The following DENND5B variants were observed in gnomAD, a reference collection of about 807,000 sequenced individuals.
DENND5B encodes DENN domain containing 5B.
A neutral mutation model predicts 140.6 loss-of-function variants in DENND5B; 34 were observed. That is an observed-to-expected ratio of 0.24 (90% CI 0.18 to 0.32). DENND5B has a LOEUF of 0.32. Among genes scored for constraint, DENND5B ranks in the 10% least tolerant of loss-of-function variants. The probability of loss-of-function intolerance (pLI) is 1.00; values close to 1 mark genes in which losing one functional copy is unlikely to be tolerated. For missense variants in DENND5B, 1,142 were observed against 1,560.2 expected, an observed-to-expected ratio of 0.73 and a Z score of 4.52; for synonymous variants, 551 against 562.1, an observed-to-expected ratio of 0.98 and a Z score of 0.28.
chr12:31,456,964 G>A (rs116220011), intron 4 of DENND5B, among the ~76,000 whole-genome samples: 1,958 of 152,134 alleles, frequency 0.013, 29 homozygotes, highest in African/African-American at 0.045. Flanking sequence ...TGTGCCTCTC[G>A]TCCCAGCTAC....
chr12:31,555,158 T>C (rs1246383909), intron 1 of DENND5B, among the ~76,000 whole-genome samples: 2 of 152,216 alleles, frequency 1.3e-5, no homozygotes, highest in African/African-American at 4.8e-5. Flanking sequence ...CCAGTTTTTC[T>C]GCTGTTTTTT....
chr12:31,445,148 T>C (rs999787701), intron 6 of DENND5B, among the ~76,000 whole-genome samples: 11 of 152,336 alleles, frequency 7.2e-5, no homozygotes, highest in Non-Finnish European at 1.6e-4. Flanking sequence ...CGTCAGGTGA[T>C]AGGTATCTGC....
chr12:31,521,259 C>T (rs1218510818), intron 1 of DENND5B, among the ~76,000 whole-genome samples: 2 of 152,050 alleles, frequency 1.3e-5, no homozygotes, highest in Non-Finnish European at 2.9e-5. Context: ...TAGAATTCCA[C>T]TGTACATTCT....
intron 2 of DENND5B, among the ~76,000 whole-genome samples, chr12:31,494,199 T>TCCATCCAC (rs1946668460): frequency 9.3e-6 from 1 of 107,340 alleles, no homozygotes; most frequent in African/African-American, 3.6e-5. Flanking sequence ...CATCCATCCA[T>TCCATCCAC]CCACCTACCT....
At chr12:31,393,813 G>C (rs1186869623) in intron 17 of DENND5B, among the ~76,000 whole-genome samples, 2 of 151,962 alleles carry the variant, frequency 1.3e-5, no homozygotes, top group African/African-American at 4.8e-5. Context: ...TCAGCCTCCC[G>C]TGTAGCTGGG....
At chr12:31,409,207 G>GCT in intron 14 of DENND5B, 56 bp downstream of exon 14, 1 of 1,478,476 alleles carries the variant, frequency 6.8e-7, no homozygotes, top group Non-Finnish European at 9.0e-7. Context: ...AAATATAAAT[G>GCT]CTTTTATTGC....
At chr12:31,518,288 G>T (rs1947747215) in intron 1 of DENND5B, among the ~76,000 whole-genome samples, 1 of 152,176 alleles carries the variant, frequency 6.6e-6, no homozygotes, top group Admixed American at 6.5e-5. Context: ...ATCTTTAAGA[G>T]CCTGAGCAGT....
intron 5 of DENND5B, among the ~76,000 whole-genome samples, chr12:31,448,347 A>G (rs1010528660): frequency 6.6e-6 from 1 of 151,732 alleles, no homozygotes; most frequent in Non-Finnish European, 1.5e-5. Flanking sequence ...ATGTTAGCCA[A>G]GATGGTCTCG....
intron 1 of DENND5B, among the ~76,000 whole-genome samples, chr12:31,508,674 A>G (rs1486641052): frequency 6.6e-6 from 1 of 152,218 alleles, no homozygotes; most frequent in African/African-American, 2.4e-5. Context: ...TGTGCTAAAC[A>G]AAAGCAGTTA....
At chr12:31,532,187 T>C (rs959321647) in intron 1 of DENND5B, among the ~76,000 whole-genome samples, 2 of 152,306 alleles carry the variant, frequency 1.3e-5, no homozygotes, top group African/African-American at 2.4e-5. Context: ...TGGAGTACTC[T>C]GGGATGTCAG....
At chr12:31,532,164 T>G (rs556879309) in intron 1 of DENND5B, among the ~76,000 whole-genome samples, 151 of 152,284 alleles carry the variant, frequency 9.9e-4, no homozygotes, top group Non-Finnish European at 1.4e-3. Context: ...TTGATTAAAA[T>G]AAAGGGGTGG....
chr12:31,532,988 G>C (rs1948340886), intron 1 of DENND5B, among the ~76,000 whole-genome samples: 2 of 152,148 alleles, frequency 1.3e-5, no homozygotes, highest in Admixed American at 1.3e-4. Flanking sequence ...GGTTTTCTGA[G>C]GCTTATTTCA....
chr12:31,514,756 G>A (rs1947559928), intron 1 of DENND5B, among the ~76,000 whole-genome samples: 2 of 151,788 alleles, frequency 1.3e-5, no homozygotes, highest in South Asian at 2.1e-4. Flanking sequence ...CAGGGAGGCA[G>A]AGGTTGCAGT....
At position 31,452,073 on chromosome 12, in the gene DENND5B, T is replaced by C; in HGVS notation, c.1496A>G (p.Asn499Ser). Residue 499 changes from asparagine to serine, a missense_variant, in exon 5 of 21, where the codon AAT becomes AGT. Physicochemically the swap from Asn to Ser is conservative, Grantham distance 46. This residue lies in a region of DENND5B where 708 missense variants were observed against 905.5 expected (regional missense o/e 0.78). Transcript: ENST00000389082. Reference protein sequence around the residue: ...EEAELRDYQLNVQLREVFANR... With the variant: ...EEAELRDYQLSVQLREVFANR... ...AGCAAAGACCTCTCGGAGCTGTACA[T>C]TGAGCTGGTAGTCCCTTAGTTCTGC... 2 of 1,614,012 alleles carry C rather than the reference T, an allele frequency of 1.2e-6. No homozygotes were observed. Among genetic ancestry groups the C allele is most frequent in the Non-Finnish European group, 8.5e-7 (1 of 1,179,896 alleles).
chr12:31,496,001 A>AC, intron 1 of DENND5B, 82 bp from the exon 2 acceptor site: 1 of 929,322 alleles, frequency 1.1e-6, no homozygotes. Context: ...TAGTCCTACT[A>AC]CTGACTGATA....
At chr12:31,552,034 T>C (rs1949082514) in intron 1 of DENND5B, among the ~76,000 whole-genome samples, 1 of 152,216 alleles carries the variant, frequency 6.6e-6, no homozygotes, top group Non-Finnish European at 1.5e-5. Context: ...ACTTCCTCTT[T>C]TCCTAATTGA....
chr12:31,559,125 T>C (rs938879089), intron 1 of DENND5B, among the ~76,000 whole-genome samples: 6 of 152,320 alleles, frequency 3.9e-5, no homozygotes, highest in African/African-American at 7.2e-5. Context: ...CTCGTACTGA[T>C]AGAAAATTCT....
chr12:31,451,185 T>C (rs793184), intron 5 of DENND5B, among the ~76,000 whole-genome samples: 2 of 151,968 alleles, frequency 1.3e-5, no homozygotes, highest in Non-Finnish European at 2.9e-5. Context: ...ACTAAATAAA[T>C]AGATTTCTTC....
At chr12:31,558,801 T>C (rs1179096348) in intron 1 of DENND5B, among the ~76,000 whole-genome samples, 3 of 152,178 alleles carry the variant, frequency 2.0e-5, no homozygotes, top group African/African-American at 7.2e-5. Flanking sequence ...AAATGAAAGT[T>C]TATTTTAGCA....
Sources: allele counts gnomAD v4.1 joint callset (sites outside exome capture counted in the v4.1 genomes callset), GRCh38; gene constraint gnomAD v4.1.1; regional missense constraint gnomAD v4.1.1; transcripts MANE v1.5; gene names NCBI Gene and HGNC (gene_info 2026-07-23, HGNC 2026-07-21).